Variants in CA8 observed in about 807,000 individuals in gnomAD.
The protein encoded by CA8 is carbonic anhydrase-related protein.
CA8 carries 22 observed loss-of-function variants against 41.4 expected under a neutral mutation model. The ratio of observed to expected loss-of-function variants is 0.53; its 90% CI spans 0.38 to 0.76. The LOEUF (loss-of-function observed/expected upper bound fraction) is 0.76, where lower values mean the gene tolerates loss of function less well. Among genes scored for constraint, CA8 ranks in the 30% least tolerant of loss-of-function variants. The pLI is 0.00. For synonymous variants in CA8, 121 were observed against 130.6 expected (o/e 0.93, Z 0.50); for missense variants, 270 against 352.8 (o/e 0.77, Z 1.88).
At chr8:60,253,795 T>G (rs560557723) in intron 3 of CA8, among the ~76,000 whole-genome samples, 2 of 152,300 alleles carry the variant, frequency 1.3e-5, no homozygotes, top group Admixed American at 1.3e-4. Context: ...GAACTCCTAC[T>G]CAGTCATCAA....
intron 7 of CA8, among the ~76,000 whole-genome samples, chr8:60,216,500 T>C (rs568277257): frequency 6.6e-6 from 1 of 152,340 alleles, no homozygotes; most frequent in South Asian, 2.1e-4. Context: ...TTATTCCTTC[T>C]AATATGCATT....
At chr8:60,267,572 A>T (rs1803940479) in intron 2 of CA8, among the ~76,000 whole-genome samples, 1 of 152,126 alleles carries the variant, frequency 6.6e-6, no homozygotes, top group African/African-American at 2.4e-5. Context: ...AACTCCACAG[A>T]CAGGGCAGAA....
intron 7 of CA8, among the ~76,000 whole-genome samples, chr8:60,213,808 T>C (rs774737097): frequency 7.9e-5 from 12 of 152,094 alleles, no homozygotes; most frequent in Admixed American, 3.3e-4. Context: ...GTTTAATATG[T>C]GGATCACATC....
chr8:60,264,988 G>C (rs1287596286), intron 3 of CA8: 5 of 151,888 alleles, frequency 3.3e-5, no homozygotes, highest in Admixed American at 2.6e-4. Flanking sequence ...GCACAGTTGT[G>C]AATGTCAAAA....
At chr8:60,214,144 G>A (rs2130439867) in intron 7 of CA8, among the ~76,000 whole-genome samples, 1 of 152,302 alleles carries the variant, frequency 6.6e-6, no homozygotes, top group African/African-American at 2.4e-5. Context: ...CCTGAGACTG[G>A]ATGATATATA....
In CA8 at chr8:60,281,297, G is replaced by A; in HGVS notation, c.-150C>T. 2 of 641,908 alleles carry A rather than the reference G, an allele frequency of 3.1e-6. No homozygotes were observed. The highest frequency in any genetic ancestry group is 3.5e-5 in the South Asian group (2 of 56,694). The allele number at this position is 641,908 out of a possible 1,614,324, so 39.8% of individuals were successfully genotyped here. A position where few individuals can be genotyped will look rare whatever the true frequency, so the allele number is the denominator to read the frequency against. On this transcript the variant is annotated 5_prime_UTR_variant, in exon 1 of 9. Transcript: ENST00000317995. ...GCGAGAGCGCCTCCGGGTGTGAACC[G>A]CAGTGTGAGTGCAAGCAGGCGTGCG...
chr8:60,197,091 A>G (rs1806301518), intron 8 of CA8, among the ~76,000 whole-genome samples: 1 of 152,160 alleles, frequency 6.6e-6, no homozygotes, highest in Admixed American at 6.6e-5. Flanking sequence ...AACTCTTGGG[A>G]AAAGCAATCT....
intron 2 of CA8, 68 bp from the exon 3 acceptor site, chr8:60,266,117 C>A: frequency 1.6e-6 from 2 of 1,256,062 alleles, no homozygotes; most frequent in Non-Finnish European, 2.2e-6. Flanking sequence ...ACATTAGAGA[C>A]TTTTTTTTTT....
chr8:60,231,969 G>A (rs1487356054), intron 4 of CA8, among the ~76,000 whole-genome samples: 1 of 151,974 alleles, frequency 6.6e-6, no homozygotes, highest in African/African-American at 2.4e-5. Flanking sequence ...GTAAACCAGG[G>A]TCTAAAGAAA....
intron 4 of CA8, among the ~76,000 whole-genome samples, chr8:60,228,277 C>CA (rs1250816518): frequency 7.2e-5 from 11 of 152,184 alleles, no homozygotes; most frequent in Non-Finnish European, 1.0e-4. Context: ...AAGTTAAAAA[C>CA]AAAAAAACAT....
At chr8:60,239,284 G>A (rs913889900) in intron 3 of CA8, among the ~76,000 whole-genome samples, 2 of 152,220 alleles carry the variant, frequency 1.3e-5, no homozygotes, top group Admixed American at 1.3e-4. Context: ...AGATAGGAGT[G>A]TAAACCCACA....
intron 3 of CA8, among the ~76,000 whole-genome samples, chr8:60,238,886 A>T (rs75737336): frequency 0.01 from 1,581 of 151,988 alleles, 12 homozygotes; most frequent in Non-Finnish European, 0.016. Flanking sequence ...GACAAATCCT[A>T]CCTGTCCTCC....
chr8:60,269,055 A>G (rs1040894593), intron 2 of CA8, among the ~76,000 whole-genome samples: 1 of 152,212 alleles, frequency 6.6e-6, no homozygotes, highest in African/African-American at 2.4e-5. Flanking sequence ...TCATATAGCC[A>G]TACAATGCCA....
chr8:60,233,098 G>A (rs1488181598), intron 3 of CA8, among the ~76,000 whole-genome samples: 2 of 152,186 alleles, frequency 1.3e-5, no homozygotes, highest in East Asian at 1.9e-4. Context: ...CTTGCAAGAA[G>A]CCAAGCTCAA....
chr8:60,218,422 T>C lies in CA8; in HGVS notation c.738+4227A>G, dbSNP rs566110515. 7.9e-5 allele frequency among the ~76,000 whole-genome samples: 12 copies of C among 152,158 alleles called. No individual in the cohort carries two copies. The South Asian group carries it at 2.5e-3, about 32-fold the overall frequency. ...AGTACTGATTCCAGTAACTGGCACA[T>C]AGCAAATGTCGAATAATTGCCAAAT... On this transcript the variant is annotated intron_variant, in intron 7 of 8. Transcript: ENST00000317995.
At position 60,211,128 on chromosome 8, in the gene CA8, T is replaced by C. The variant is rs74968221; in HGVS notation, c.739-2209A>G. 2.2e-3 allele frequency among the ~76,000 whole-genome samples: 335 copies of C among 152,288 alleles called. 1 individual carries two copies. The highest frequency in any genetic ancestry group is 7.1e-3 in the African/African-American group (295 of 41,564). ...ACCTCTTCAAACCTCAGTTTCCACA[T>C]GTGTATAACAGACATAATAATAACA... On this transcript the variant is annotated intron_variant, in intron 7 of 8. Coordinates refer to ENST00000317995, the MANE Select transcript of CA8 (RefSeq NM_004056.6).
chr8:60,216,515 C>T (rs767001203), intron 7 of CA8, among the ~76,000 whole-genome samples: 1 of 152,174 alleles, frequency 6.6e-6, no homozygotes, highest in Non-Finnish European at 1.5e-5. Flanking sequence ...TGCATTCATT[C>T]AGCTTCGGCT....
chr8:60,222,723 G>A lies in CA8; in HGVS notation c.664C>T (p.Leu222Phe). ...CCTTCACTGCAAGGTGGGATGGTGA[G>A]AGAGCCTTCATACACCCAGTAATCC... ...LRDYWVYEGS[L>F]TIPPCSEGVT... The change falls in exon 7 of 9, where the codon CTC becomes TTC. Residue 222 changes from leucine to phenylalanine, a missense_variant. Coordinates refer to ENST00000317995, the MANE Select transcript of CA8 (RefSeq NM_004056.6). 6.2e-7 allele frequency: 1 copy of A among 1,613,940 alleles called. No individual in the cohort carries two copies. The highest frequency in any genetic ancestry group is 8.5e-7 in the Non-Finnish European group (1 of 1,179,798).
intron 8 of CA8, among the ~76,000 whole-genome samples, chr8:60,198,490 T>C (rs1208124997): frequency 6.6e-6 from 1 of 152,190 alleles, no homozygotes; most frequent in East Asian, 1.9e-4. Flanking sequence ...GTTAGGATAC[T>C]TTGACACTTT....
Sources: gnomAD v4.1 joint callset for allele counts (sites outside exome capture counted in the v4.1 genomes callset) on GRCh38, gnomAD v4.1.1 for gene constraint, MANE v1.5 for transcripts, NCBI Gene and HGNC (gene_info 2026-07-23, HGNC 2026-07-21) for gene names.